The following TLE5 variants were observed in gnomAD, a reference collection of about 807,000 sequenced individuals.
TLE5 encodes TLE family member 5.
TLE5 carries 7 observed loss-of-function variants against 25.8 expected under a neutral mutation model. That is an observed-to-expected ratio of 0.27 (90% confidence interval 0.15 to 0.51). The LOEUF is 0.51. TLE5 is among the 20% of genes least tolerant of loss of function. The pLI is 0.97. For missense variants in TLE5, 149 were observed against 250.7 expected (o/e 0.59, Z 2.74); for synonymous variants, 132 against 110.5 (o/e 1.20, Z -1.22).
At position 3,053,001 on chromosome 19, in the gene TLE5, A is replaced by C. The variant is rs1426463689; in HGVS notation, c.*818T>G. 6.6e-6 allele frequency: 1 copy of C among 151,974 alleles called. No individual in the cohort carries two copies. The highest frequency in any genetic ancestry group is 1.5e-5 in the Non-Finnish European group (1 of 68,012). The allele number at this position is 151,974 out of a possible 1,614,324, so 9.4% of individuals were successfully genotyped here. ...CTCTCTGTAGAGATCAGACGATTGA[A>C]CACGAGATAAGCTGACTATATACAG... On this transcript the variant is annotated 3_prime_UTR_variant, in exon 7 of 7. Transcript: ENST00000327141.
chr19:3,060,619 A>C (rs1022068998), intron 2 of TLE5, among the ~76,000 whole-genome samples: 1 of 152,156 alleles, frequency 6.6e-6, no homozygotes, highest in African/African-American at 2.4e-5. Context: ...GGCATGAGCC[A>C]CCACGCCTGG....
intron 6 of TLE5, 21 bp downstream of exon 6, chr19:3,054,099 C>CCCCCCCG: frequency 6.5e-7 from 1 of 1,548,244 alleles, no homozygotes. Flanking sequence ...CCCGCCCACC[C>CCCCCCCG]GCCCAGGTCC....
In TLE5 at chr19:3,053,947, CCGG is replaced by C. The variant is rs1297753396; in HGVS notation, c.463_465del (p.Pro155del). On this transcript the variant is annotated inframe_deletion, in exon 7 of 7. Coordinates refer to ENST00000327141, the MANE Select transcript of TLE5 (RefSeq NM_001130.6). ...AGGAGGCCGGTGCCTGCGCTGACCG[CCGG>C]CAGCGAAGGCGGCTGCAGCCCCACG... The C allele has an allele frequency of 6.2e-7, 1 of 1,612,086 alleles. No homozygotes were observed. The highest frequency in any genetic ancestry group is 8.5e-7 in the Non-Finnish European group (1 of 1,179,592).
Position 3,062,457 on chromosome 19 carries a change from G to A in TLE5, c.-257C>T, listed in dbSNP as rs1405964385. The A allele has an allele frequency of 1.5e-6, 1 of 665,832 alleles. No homozygotes were observed. The highest frequency in any genetic ancestry group is 2.0e-5 in the African/African-American group (1 of 49,816). The allele number at this position is 665,832 out of a possible 1,614,324, so 41.2% of individuals were successfully genotyped here. A position where few individuals can be genotyped will look rare whatever the true frequency, so the allele number is the denominator to read the frequency against. ...CCGCCGCCCGCCTCCCCGCTCCCCG[G>A]CCCCACCGCTATTGTCTAATGGCGG... is the stretch of plus-strand genomic sequence containing the variant. On this transcript the variant is annotated 5_prime_UTR_variant, in exon 1 of 7. Coordinates refer to ENST00000327141, the MANE Select transcript of TLE5 (RefSeq NM_001130.6).
In TLE5 at chr19:3,053,878, C is replaced by G; in HGVS notation, c.535G>C (p.Asp179His). 6.2e-7 allele frequency: 1 copy of G among 1,613,326 alleles called. No homozygotes were observed. Among genetic ancestry groups the G allele is most frequent in the Non-Finnish European group, 8.5e-7 (1 of 1,180,004 alleles). ...LGSQAHLSKE[D>H]KNGHDGDTHQ... ...GTGTCACCATCGTGCCCGTTCTTGT[C>G]TTCCTTGGAGAGGTGGGCCTGGGAA... The change falls in exon 7 of 7, where the codon GAC becomes CAC. Residue 179 changes from aspartate to histidine, a missense_variant. Physicochemically the swap from Asp to His is moderately conservative, Grantham distance 81. Transcript: ENST00000327141.
intron 2 of TLE5, among the ~76,000 whole-genome samples, chr19:3,059,342 C>A (rs769347414): frequency 1.3e-5 from 2 of 151,880 alleles, no homozygotes; most frequent in Admixed American, 1.3e-4. Context: ...GCCAACATAA[C>A]GAAAGCCCGT....
At chr19:3,059,240 G>A (rs1037295191) in intron 2 of TLE5, among the ~76,000 whole-genome samples, 20 of 152,164 alleles carry the variant, frequency 1.3e-4, no homozygotes, top group African/African-American at 3.9e-4. Flanking sequence ...AAAAAACCGG[G>A]GCTGGGTGCA....
chr19:3,059,828 G>A (rs546390969), intron 2 of TLE5, among the ~76,000 whole-genome samples: 7 of 152,090 alleles, frequency 4.6e-5, no homozygotes, highest in Admixed American at 2.0e-4. Context: ...CCTTCATATC[G>A]AGGAACCCGC....
chr19:3,060,873 G>A lies in TLE5; in HGVS notation c.125+287C>T, dbSNP rs1194794705. 2.2e-5 allele frequency: 5 copies of A among 230,042 alleles called. No homozygotes were observed. The South Asian group carries it at 2.8e-4, about 13-fold the overall frequency. The allele number at this position is 230,042 out of a possible 1,614,324, so 14.3% of individuals were successfully genotyped here. Reference sequence around the variant, plus strand: ...GTGCCGTAACTCCAATTGTTGGAAGGTCTTTTATCCAATGGGGGACTTGGG... The same window carrying A: ...GTGCCGTAACTCCAATTGTTGGAAGATCTTTTATCCAATGGGGGACTTGGG... On this transcript the variant is annotated intron_variant, in intron 2 of 6. Transcript: ENST00000327141.
intron 2 of TLE5, among the ~76,000 whole-genome samples, chr19:3,059,232 A>C (rs575644137): frequency 2.8e-4 from 42 of 152,294 alleles, no homozygotes; most frequent in Admixed American, 7.9e-4. Context: ...AAAACAAAAA[A>C]AAACCGGGGC....
Position 3,053,315 on chromosome 19 carries a change from C to A in TLE5, c.*504G>T. On this transcript the variant is annotated 3_prime_UTR_variant, in exon 7 of 7. Transcript: ENST00000327141. Reference sequence around the variant, plus strand: ...TGGGCGTGGAGGTGTCTGGAACTAGCAGAGGTGGTGAGTGGGGCAGGTGGA... The same window carrying A: ...TGGGCGTGGAGGTGTCTGGAACTAGAAGAGGTGGTGAGTGGGGCAGGTGGA... 6.3e-6 allele frequency: 1 copy of A among 159,828 alleles called. No individual in the cohort carries two copies. Among genetic ancestry groups the A allele is most frequent in the Admixed American group, 6.0e-5 (1 of 16,708 alleles). The allele number at this position is 159,828 out of a possible 1,614,324, so 9.9% of individuals were successfully genotyped here. A position where few individuals can be genotyped will look rare whatever the true frequency, so the allele number is the denominator to read the frequency against.
chr19:3,056,743 T>C, intron 3 of TLE5: 1 of 362,008 alleles, frequency 2.8e-6, no homozygotes, highest in Non-Finnish European at 5.5e-6. Flanking sequence ...TTTGCCTGCC[T>C]AGGTATAAAC....
At position 3,062,225 on chromosome 19, in the gene TLE5, C is replaced by G. The variant is rs532283406; in HGVS notation, c.-25G>C. On this transcript the variant is annotated 5_prime_UTR_variant, in exon 1 of 7. Transcript: ENST00000327141. ...TGTCAATCGCGGCGGGGGGCGCGGG[C>G]TGCGCCCCGGCTGTGCGCCCCGGCT... The G allele has an allele frequency of 2.3e-5, 26 of 1,115,560 alleles. No individual in the cohort carries two copies. The East Asian group carries it at 2.8e-4, about 12-fold the overall frequency. 69.1% of individuals were successfully genotyped at this position (1,115,560 alleles called of 1,614,324 possible).
intron 1 of TLE5, among the ~76,000 whole-genome samples, chr19:3,061,732 C>G (rs2090270360): frequency 6.6e-6 from 1 of 151,348 alleles, no homozygotes; most frequent in African/African-American, 2.4e-5. Flanking sequence ...CGCCCTTCCT[C>G]GGGGACACGC....
chr19:3,054,086 T>TCGGGGGGGGGGCCCCCCCCC, intron 6 of TLE5, 34 bp downstream of exon 6: 13 of 1,512,756 alleles, frequency 8.6e-6, no homozygotes, highest in South Asian at 2.5e-5. Flanking sequence ...GGCCCACCTG[T>TCGGGGGGGGGGCCCCCCCCC]CCCCCGCCCA....
At chr19:3,056,272 A>AAGGAGGAGGAGG (rs756419198) in intron 4 of TLE5, 40 bp downstream of exon 4, 3 of 1,206,578 alleles carry the variant, frequency 2.5e-6, no homozygotes, top group Non-Finnish European at 2.2e-6. Context: ...GAGGAGGGGG[A>AAGGAGGAGGAGG]AGGAGGAGGA....
At chr19:3,056,408 G>A (rs774586861) in intron 3 of TLE5, 52 bp from the exon 4 acceptor site, 1 of 417,680 alleles carries the variant, frequency 2.4e-6, no homozygotes, top group Non-Finnish European at 4.6e-6. Context: ...GGAAGGATGG[G>A]GGGACACGGA....
Position 3,053,440 on chromosome 19 carries a change from G to C in TLE5, c.*379C>G, listed in dbSNP as rs932524809. The C allele has an allele frequency of 3.8e-6, 1 of 265,166 alleles. No homozygotes were observed. The highest frequency in any genetic ancestry group is 5.0e-5 in the Admixed American group (1 of 20,082). The allele number at this position is 265,166 out of a possible 1,614,324, so 16.4% of individuals were successfully genotyped here. On this transcript the variant is annotated 3_prime_UTR_variant, in exon 7 of 7. Transcript: ENST00000327141. The stretch of plus-strand genomic sequence containing the variant: ...GCGTGCATGCAGTACCAGGGTGAGA[G>C]GGCTGTGGCCCAGGCAGACTGTCGG...
At chr19:3,060,917 G>C (rs2090260975) in intron 2 of TLE5, 1 of 315,398 alleles carries the variant, frequency 3.2e-6, no homozygotes, top group South Asian at 4.1e-5. Flanking sequence ...GGAGGAGGGA[G>C]GGGCTCTGAA....
Sources: allele counts gnomAD v4.1 joint callset (sites outside exome capture counted in the v4.1 genomes callset), GRCh38; gene constraint gnomAD v4.1.1; transcripts MANE v1.5; gene names NCBI Gene and HGNC (gene_info 2026-07-23, HGNC 2026-07-21).